Variants in PWWP3B observed in about 807,000 individuals in gnomAD.
The protein encoded by PWWP3B is PWWP domain containing 3B.
In PWWP3B, 5 loss-of-function variants were observed where a neutral mutation model predicts 15.7. The observed-to-expected ratio is 0.32, with a 90% CI of 0.17 to 0.67. The LOEUF (loss-of-function observed/expected upper bound fraction) is 0.67. Among genes scored for constraint, PWWP3B ranks in the 30% least tolerant of loss-of-function variants. PWWP3B has a pLI of 0.74. For missense variants in PWWP3B, 519 were observed against 493.1 expected, an observed-to-expected ratio of 1.05 and a Z score of -0.50; for synonymous variants, 203 against 179.8, an observed-to-expected ratio of 1.13 and a Z score of -1.03.
chrX:106,176,301 C>T (rs1215191607), intron 2 of PWWP3B, among the ~76,000 whole-genome samples: 1 of 110,816 alleles, frequency 9.0e-6, no homozygotes, highest in African/African-American at 3.3e-5. Context: ...ATCATGTTGG[C>T]CAGGCTGGTC....
chrX:106,201,872 G>A (rs1455242084), intron 2 of PWWP3B: 2 of 112,179 alleles, frequency 1.8e-5, no homozygotes, highest in Non-Finnish European at 3.8e-5. Flanking sequence ...TGGGAAAGGT[G>A]TGTGGTTTTG....
chrX:106,181,881 A>G (rs1323833045), intron 2 of PWWP3B, among the ~76,000 whole-genome samples: 1 of 112,222 alleles, frequency 8.9e-6, no homozygotes, highest in Non-Finnish European at 1.9e-5. Flanking sequence ...AAGGAGGTTA[A>G]AAATATAGGG....
chrX:106,182,342 G>A (rs59344227), intron 2 of PWWP3B, among the ~76,000 whole-genome samples: 1,713 of 111,215 alleles, frequency 0.015, 34 homozygotes, highest in African/African-American at 0.052. Context: ...CTGTACTGAC[G>A]GACTTGAGCT....
chrX:106,193,724 C>G (rs928407427), intron 2 of PWWP3B, among the ~76,000 whole-genome samples: 19 of 111,756 alleles, frequency 1.7e-4, no homozygotes, highest in African/African-American at 3.6e-4. Context: ...AGCTCTTTTA[C>G]GGCAGGCCTG....
intron 2 of PWWP3B, among the ~76,000 whole-genome samples, chrX:106,190,205 G>A (rs1470016915): frequency 1.8e-5 from 2 of 111,692 alleles, no homozygotes; most frequent in African/African-American, 3.3e-5. Context: ...TCCAGCACCT[G>A]TTGTTTCCTG....
intron 2 of PWWP3B, among the ~76,000 whole-genome samples, chrX:106,203,117 A>T (rs1324581247): frequency 8.9e-6 from 1 of 111,916 alleles, no homozygotes; most frequent in Non-Finnish European, 1.9e-5. Flanking sequence ...CTTGAGTGGA[A>T]TCTGAAGCTG....
chrX:106,196,596 A>G (rs1359553049), intron 2 of PWWP3B, among the ~76,000 whole-genome samples: 1 of 111,191 alleles, frequency 9.0e-6, no homozygotes, highest in African/African-American at 3.3e-5. Flanking sequence ...ATATTGATTG[A>G]TTGATTTGCA....
At chrX:106,193,176 G>GTCTCT (rs761090547) in intron 2 of PWWP3B, among the ~76,000 whole-genome samples, 7 of 111,243 alleles carry the variant, frequency 6.3e-5, no homozygotes, top group Non-Finnish European at 1.3e-4. Flanking sequence ...GGGAGTCTAA[G>GTCTCT]TCTCTTCGTA....
chrX:106,205,474 G>T lies in PWWP3B; in HGVS notation c.42G>T (p.Leu14Phe), dbSNP rs1923938293. The change falls in exon 4 of 4, where the codon TTG becomes TTT. Residue 14 changes from leucine (L) to phenylalanine (F), a missense_variant. Coordinates refer to ENST00000357175, the MANE Select transcript of PWWP3B (RefSeq NM_001171020.2). The part of the protein sequence containing the change: ...EYVLCNWKDQ[L>F]WPAKVLSRSE... ...TCCTATGCAACTGGAAAGACCAGTT[G>T]TGGCCAGCAAAAGTTTTGTCCAGAT... is the stretch of plus-strand genomic sequence containing the variant. 1.7e-6 allele frequency: 2 copies of T among 1,190,868 alleles called. No homozygotes were observed. The highest frequency in any genetic ancestry group is 2.3e-6 in the Non-Finnish European group (2 of 885,352).
chrX:106,202,136 G>C (rs1454591469), intron 2 of PWWP3B, among the ~76,000 whole-genome samples: 1 of 111,791 alleles, frequency 8.9e-6, no homozygotes, highest in African/African-American at 3.3e-5. Flanking sequence ...TGACAGTATG[G>C]GGGGAAATAC....
intron 2 of PWWP3B, among the ~76,000 whole-genome samples, chrX:106,189,491 G>T (rs1602845159): frequency 1.9e-5 from 2 of 107,494 alleles, no homozygotes; most frequent in Admixed American, 1.0e-4. Flanking sequence ...TTTGGTTTTT[G>T]TCCTTGCGAT....
intron 2 of PWWP3B, among the ~76,000 whole-genome samples, chrX:106,196,021 C>T (rs939540991): frequency 3.6e-5 from 4 of 111,884 alleles, no homozygotes; most frequent in Admixed American, 1.9e-4. Flanking sequence ...TAGTTATCCT[C>T]CCTTAGTATT....
rs1483783703 is a variant in PWWP3B, at chrX:106,202,147, A to T, written c.-400-1838A>T. 3.6e-5 allele frequency among the ~76,000 whole-genome samples: 4 copies of T among 112,063 alleles called. No homozygotes were observed. In the East Asian group the frequency reaches 1.1e-3, roughly 31 times the overall value. On this transcript the variant is annotated intron_variant, in intron 2 of 3. Coordinates refer to ENST00000357175, the MANE Select transcript of PWWP3B (RefSeq NM_001171020.2). ...TATTTGACAGTATGGGGGGAAATAC[A>T]CCTATAAGTTGATTGATACATAAAA...
At chrX:106,198,946 C>CAT (rs1446886692) in intron 2 of PWWP3B, among the ~76,000 whole-genome samples, 1 of 108,401 alleles carries the variant, frequency 9.2e-6, no homozygotes, top group Admixed American at 9.9e-5. Flanking sequence ...TAAATAAAGC[C>CAT]ATATATATAT....
At chrX:106,186,967 A>G (rs1922552607) in intron 2 of PWWP3B, among the ~76,000 whole-genome samples, 1 of 111,729 alleles carries the variant, frequency 9.0e-6, no homozygotes, top group Non-Finnish European at 1.9e-5. Flanking sequence ...CTAGACGCAG[A>G]GCGTTGATTG....
intron 2 of PWWP3B, chrX:106,201,671 G>A (rs1410741602): frequency 9.0e-6 from 1 of 111,661 alleles, no homozygotes; most frequent in African/African-American, 3.3e-5. Context: ...ACAGCCAGGG[G>A]GCGGACCCTC....
At chrX:106,200,534 A>T (rs1227846230) in intron 2 of PWWP3B, among the ~76,000 whole-genome samples, 2 of 111,379 alleles carry the variant, frequency 1.8e-5, no homozygotes, top group Non-Finnish European at 3.8e-5. Flanking sequence ...ATATTATATG[A>T]TACAGAAGCC....
intron 2 of PWWP3B, among the ~76,000 whole-genome samples, chrX:106,199,546 C>T (rs183340758): frequency 1.8e-3 from 200 of 111,030 alleles, no homozygotes; most frequent in African/African-American, 6.3e-3. Flanking sequence ...TTTCCGAAGT[C>T]ACTTTGTGGT....
chrX:106,188,679 C>T (rs115573973), intron 2 of PWWP3B, among the ~76,000 whole-genome samples: 8 of 112,602 alleles, frequency 7.1e-5, no homozygotes, highest in African/African-American at 2.3e-4. Context: ...CAATCCATAT[C>T]TCTGTCAGTT....
Sources: allele counts gnomAD v4.1 joint callset (sites outside exome capture counted in the v4.1 genomes callset), GRCh38; gene constraint gnomAD v4.1.1; transcripts MANE v1.5; gene names NCBI Gene and HGNC (gene_info 2026-07-23, HGNC 2026-07-21).